SLC4A7: variants seen among roughly 807,000 people sequenced by gnomAD.
SLC4A7 encodes solute carrier family 4 member 7, also known as sodium bicarbonate cotransporter 3.
Under a neutral mutation model 137.6 loss-of-function variants are expected in SLC4A7, and 51 were observed. The ratio of observed to expected loss-of-function variants is 0.37; its 90% CI spans 0.30 to 0.47. The LOEUF (loss-of-function observed/expected upper bound fraction) is 0.47, where lower values mean the gene tolerates loss of function less well. Among genes scored for constraint, SLC4A7 ranks in the 20% least tolerant of loss-of-function variants. SLC4A7 has a pLI of 1.00. For synonymous variants in SLC4A7, 542 were observed against 518.6 expected (o/e 1.05, Z -0.61); for missense variants, 1,247 against 1,525.4 (o/e 0.82, Z 3.04).
rs980792561 is a variant in SLC4A7 at position 27,483,983 on chromosome 3, G to A, written c.60+84C>T. ...GCCTGGGACGAGGTGGCCGAGCCGCGACGCCCGCCGCGCCCCCCGCCTTTG... is the reference window on the plus strand; with the variant it reads ...GCCTGGGACGAGGTGGCCGAGCCGCAACGCCCGCCGCGCCCCCCGCCTTTG... On this transcript the variant is annotated intron_variant, in intron 1 of 25. Coordinates refer to ENST00000454389, the MANE Select transcript of SLC4A7 (RefSeq NM_001321103.2). The A allele has an allele frequency of 7.2e-6, 8 of 1,106,314 alleles. No homozygotes were observed. The African/African-American group carries it at 8.2e-5, about 11-fold the overall frequency. The allele number at this position is 1,106,314 out of a possible 1,614,324, so 68.5% of individuals were successfully genotyped here.
intron 11 of SLC4A7, among the ~76,000 whole-genome samples, chr3:27,416,439 T>C (rs1388902953): frequency 6.6e-6 from 1 of 152,198 alleles, no homozygotes; most frequent in African/African-American, 2.4e-5. Flanking sequence ...AAATTTTAGC[T>C]TTTTAGAATA....
chr3:27,389,402 A>G (rs1436835757), intron 22 of SLC4A7, among the ~76,000 whole-genome samples: 2 of 152,094 alleles, frequency 1.3e-5, no homozygotes, highest in Non-Finnish European at 1.5e-5. Flanking sequence ...AAATTCTGTA[A>G]GGTTTTCTCT....
chr3:27,426,264 G>C (rs1237901372), intron 7 of SLC4A7, among the ~76,000 whole-genome samples: 2 of 152,134 alleles, frequency 1.3e-5, no homozygotes, highest in Non-Finnish European at 2.9e-5. Flanking sequence ...AAATACAAAC[G>C]ATTTCCCAAG....
At chr3:27,384,816 A>G (rs1016826748) in intron 23 of SLC4A7, among the ~76,000 whole-genome samples, 2 of 151,910 alleles carry the variant, frequency 1.3e-5, no homozygotes, top group Admixed American at 6.6e-5. Flanking sequence ...TACAAAAATA[A>G]GCCCAGTTTG....
intron 20 of SLC4A7, 149 bp downstream of exon 20, chr3:27,394,369 T>C (rs1215637398): frequency 2.8e-6 from 2 of 725,958 alleles, no homozygotes; most frequent in Non-Finnish European, 4.5e-6. Context: ...CTTGCTATAC[T>C]AAAAACCTAA....
At chr3:27,469,333 T>C (rs1404398070) in intron 1 of SLC4A7, among the ~76,000 whole-genome samples, 1 of 152,064 alleles carries the variant, frequency 6.6e-6, no homozygotes, top group Admixed American at 6.6e-5. Flanking sequence ...CTGGAGATAG[T>C]GTTAGATCCC....
At chr3:27,439,404 A>G (rs1285238441) in intron 3 of SLC4A7, among the ~76,000 whole-genome samples, 1 of 152,168 alleles carries the variant, frequency 6.6e-6, no homozygotes, top group Non-Finnish European at 1.5e-5. Flanking sequence ...AGGCAGGATT[A>G]AAAAAACACA....
intron 6 of SLC4A7, 74 bp downstream of exon 6, chr3:27,433,842 T>A (rs2056516739): frequency 7.8e-7 from 1 of 1,276,850 alleles, no homozygotes; most frequent in African/African-American, 1.5e-5. Context: ...TATCCCCAAA[T>A]GTTAATCGTA....
At chr3:27,402,357 T>A (rs1258497735) in intron 15 of SLC4A7, among the ~76,000 whole-genome samples, 1 of 152,122 alleles carries the variant, frequency 6.6e-6, no homozygotes, top group African/African-American at 2.4e-5. Context: ...TTTTTTTTTA[T>A]CAAAACGAAA....
rs866268347 is a variant in SLC4A7 at position 27,484,215 on chromosome 3, C to A, written c.-89G>T. The A allele has an allele frequency of 1.0e-4, 115 of 1,102,064 alleles. No individual in the cohort carries two copies. The African/African-American group carries it at 1.8e-3, about 17-fold the overall frequency. 68.3% of individuals were successfully genotyped at this position (1,102,064 alleles called of 1,614,324 possible). A position where few individuals can be genotyped will look rare whatever the true frequency, so the allele number is the denominator to read the frequency against. On this transcript the variant is annotated 5_prime_UTR_variant, in exon 1 of 26. Coordinates refer to ENST00000454389, the MANE Select transcript of SLC4A7 (RefSeq NM_001321103.2). ...CGCTGCCCCTGCCGCCGCCGCCGAG[C>A]CCCCGGCGCGCGAGGACAAACGTGG... is the stretch of plus-strand genomic sequence containing the variant.
chr3:27,378,766 C>T (rs1039338640), intron 25 of SLC4A7, among the ~76,000 whole-genome samples: 2 of 152,190 alleles, frequency 1.3e-5, no homozygotes, highest in African/African-American at 4.8e-5. Context: ...TAGACCATCA[C>T]AGAGCATGAT....
chr3:27,459,062 C>T (rs1250391281), intron 1 of SLC4A7, among the ~76,000 whole-genome samples: 2 of 152,132 alleles, frequency 1.3e-5, no homozygotes, highest in South Asian at 4.2e-4. Context: ...TATGGAAAAT[C>T]TTGGCCCTCC....
At chr3:27,473,663 A>G (rs973354520) in intron 1 of SLC4A7, among the ~76,000 whole-genome samples, 1 of 147,030 alleles carries the variant, frequency 6.8e-6, no homozygotes, top group Non-Finnish European at 1.5e-5. Flanking sequence ...AGCCGAGATC[A>G]TATCAGCACT....
intron 2 of SLC4A7, among the ~76,000 whole-genome samples, chr3:27,449,267 T>A (rs1017445717): frequency 1.8e-4 from 28 of 151,822 alleles, no homozygotes; most frequent in South Asian, 8.3e-4. Flanking sequence ...ATATATTTAT[T>A]CCATCTACAT....
chr3:27,464,611 T>C (rs57175851), intron 1 of SLC4A7, among the ~76,000 whole-genome samples: 23,112 of 151,728 alleles, frequency 0.15, 1,911 homozygotes, highest in African/African-American at 0.23. Flanking sequence ...GAGAACTGCT[T>C]GAACCCGGGA....
intron 3 of SLC4A7, among the ~76,000 whole-genome samples, chr3:27,442,494 C>A (rs963039925): frequency 6.7e-6 from 1 of 149,632 alleles, no homozygotes; most frequent in Admixed American, 6.7e-5. Context: ...GGTGCAGTGG[C>A]GCAATCTCGG....
intron 2 of SLC4A7, among the ~76,000 whole-genome samples, chr3:27,449,941 A>G (rs997794203): frequency 1.3e-5 from 2 of 152,210 alleles, no homozygotes; most frequent in Non-Finnish European, 2.9e-5. Flanking sequence ...CTCATTATTC[A>G]TGGGATTCCA....
chr3:27,418,463 G>T (rs756474971), intron 11 of SLC4A7, 23 bp downstream of exon 11: 1 of 1,574,512 alleles, frequency 6.4e-7, no homozygotes, highest in South Asian at 1.2e-5. Context: ...GTAAGTCACA[G>T]AAGAATAGCT....
chr3:27,429,905 A>T (rs2056092251), intron 7 of SLC4A7, among the ~76,000 whole-genome samples: 1 of 150,724 alleles, frequency 6.6e-6, no homozygotes. Context: ...CATTCTTTGG[A>T]GAAAAGCATT....
Sources: gnomAD v4.1 joint callset for allele counts (sites outside exome capture counted in the v4.1 genomes callset) on GRCh38, gnomAD v4.1.1 for gene constraint, MANE v1.5 for transcripts, NCBI Gene and HGNC (gene_info 2026-07-23, HGNC 2026-07-21) for gene names.